The following PRKCA variants were observed in gnomAD, a reference collection of about 807,000 sequenced individuals.
The protein encoded by PRKCA is protein kinase C alpha.
In PRKCA, 27 loss-of-function variants were observed where a neutral mutation model predicts 87.0. That is an observed-to-expected ratio of 0.31 (90% confidence interval 0.23 to 0.43). The LOEUF (loss-of-function observed/expected upper bound fraction) is 0.43, where lower values mean the gene tolerates loss of function less well. Among genes scored for constraint, PRKCA ranks in the 20% least tolerant of loss-of-function variants. The pLI is 1.00. For missense variants in PRKCA, 518 were observed against 852.3 expected, an observed-to-expected ratio of 0.61 and a Z score of 4.88; for synonymous variants, 329 against 311.1, an observed-to-expected ratio of 1.06 and a Z score of -0.61.
At chr17:66,785,201 G>A (rs1975349519) in intron 14 of PRKCA, among the ~76,000 whole-genome samples, 1 of 152,136 alleles carries the variant, frequency 6.6e-6, no homozygotes, top group Non-Finnish European at 1.5e-5. Context: ...GCAGGGGACT[G>A]AGGTCAGGTC....
chr17:66,484,607 AC>A (rs1459332419), intron 2 of PRKCA, among the ~76,000 whole-genome samples: 2 of 152,204 alleles, frequency 1.3e-5, no homozygotes, highest in African/African-American at 4.8e-5. Flanking sequence ...AAAGAGTTTG[AC>A]CACATTTGTA....
At chr17:66,323,940 C>CA (rs1244630893) in intron 2 of PRKCA, among the ~76,000 whole-genome samples, 11 of 150,554 alleles carry the variant, frequency 7.3e-5, no homozygotes, top group East Asian at 1.9e-4. Flanking sequence ...GATTCTGACT[C>CA]AAAAAAAAAT....
intron 2 of PRKCA, among the ~76,000 whole-genome samples, chr17:66,411,948 T>A (rs1911831496): frequency 6.6e-6 from 1 of 151,852 alleles, no homozygotes; most frequent in South Asian, 2.1e-4. Flanking sequence ...ATGAGAAGTA[T>A]GGATAAAGTG....
chr17:66,713,670 T>G (rs758024466), intron 8 of PRKCA, among the ~76,000 whole-genome samples: 25 of 152,280 alleles, frequency 1.6e-4, no homozygotes, highest in Admixed American at 2.6e-4. Context: ...ACCCAGGCAG[T>G]GATAATAGCG....
At chr17:66,768,080 A>AT (rs1974849040) in intron 13 of PRKCA, among the ~76,000 whole-genome samples, 2 of 152,030 alleles carry the variant, frequency 1.3e-5, no homozygotes, top group African/African-American at 4.8e-5. Context: ...AGTAGCTGGG[A>AT]TTACAGGTGT....
chr17:66,397,184 C>G (rs1363754557), intron 2 of PRKCA, among the ~76,000 whole-genome samples: 1 of 150,408 alleles, frequency 6.6e-6, no homozygotes, highest in Non-Finnish European at 1.5e-5. Context: ...AGGCTGGTCT[C>G]GAACTCCTGA....
At chr17:66,606,703 G>A (rs1420169447) in intron 3 of PRKCA, among the ~76,000 whole-genome samples, 2 of 152,056 alleles carry the variant, frequency 1.3e-5, no homozygotes, top group Non-Finnish European at 1.5e-5. Context: ...TATGTTTCAG[G>A]TTATATCGTA....
intron 3 of PRKCA, among the ~76,000 whole-genome samples, chr17:66,578,982 C>T (rs770084447): frequency 1.3e-5 from 2 of 152,226 alleles, no homozygotes; most frequent in African/African-American, 2.4e-5. Context: ...CACCTCTGCA[C>T]TTGCAAGAGG....
At chr17:66,313,574 G>A (rs959488731) in intron 2 of PRKCA, among the ~76,000 whole-genome samples, 22 of 152,146 alleles carry the variant, frequency 1.4e-4, no homozygotes, top group African/African-American at 5.1e-4. Context: ...GCAGGAGGGG[G>A]AAAATGTCTT....
At chr17:66,561,365 A>C (rs1029493405) in intron 3 of PRKCA, among the ~76,000 whole-genome samples, 1 of 152,194 alleles carries the variant, frequency 6.6e-6, no homozygotes, top group Non-Finnish European at 1.5e-5. Flanking sequence ...CTACTCTGCC[A>C]AGAGAACAGG....
chr17:66,467,530 G>A (rs1347492955), intron 2 of PRKCA, among the ~76,000 whole-genome samples: 2 of 152,070 alleles, frequency 1.3e-5, no homozygotes, highest in Non-Finnish European at 2.9e-5. Flanking sequence ...CTGCTCTAGT[G>A]CTTTTAAAAA....
intron 3 of PRKCA, among the ~76,000 whole-genome samples, chr17:66,572,636 A>AC (rs1414139147): frequency 6.6e-6 from 1 of 152,088 alleles, no homozygotes; most frequent in African/African-American, 2.4e-5. Flanking sequence ...ACTAACTGGG[A>AC]CCATAGGTGC....
intron 2 of PRKCA, among the ~76,000 whole-genome samples, chr17:66,424,427 G>A (rs1213093278): frequency 6.6e-6 from 1 of 151,964 alleles, no homozygotes; most frequent in Non-Finnish European, 1.5e-5. Context: ...AATCAGCCAG[G>A]CATGATGGCG....
chr17:66,750,257 T>G (rs1406478612), intron 13 of PRKCA, among the ~76,000 whole-genome samples: 3 of 152,014 alleles, frequency 2.0e-5, no homozygotes, highest in African/African-American at 4.8e-5. Context: ...GAAAAGCACT[T>G]GATGAAAGAA....
At chr17:66,712,014 C>T (rs1452093488) in intron 8 of PRKCA, among the ~76,000 whole-genome samples, 1 of 152,164 alleles carries the variant, frequency 6.6e-6, no homozygotes, top group Admixed American at 6.5e-5. Context: ...ACTGCCCCCC[C>T]TCCACCCCGC....
chr17:66,523,657 T>C (rs913704764), intron 3 of PRKCA, among the ~76,000 whole-genome samples: 1 of 152,172 alleles, frequency 6.6e-6, no homozygotes, highest in East Asian at 1.9e-4. Context: ...TCCCTGAATA[T>C]GGCTGAGAAA....
intron 4 of PRKCA, among the ~76,000 whole-genome samples, chr17:66,643,736 C>T (rs900821989): frequency 6.6e-6 from 1 of 152,204 alleles, no homozygotes; most frequent in African/African-American, 2.4e-5. Context: ...ACCAGGACTG[C>T]AACCCCTACT....
In PRKCA at chr17:66,421,258, T is replaced by C. The variant is rs1912473501; in HGVS notation, c.206-74943T>C. ...ATTTAGAGAGAGAGTAAAAAGATTT[T>C]GGTGTTTGTCATGGGAGTTCACAGG... On this transcript the variant is annotated intron_variant, in intron 2 of 16. Transcript: ENST00000413366. 2.0e-5 allele frequency among the ~76,000 whole-genome samples: 3 copies of C among 152,134 alleles called. 1 individual carries two copies. The South Asian group carries it at 6.2e-4, about 31-fold the overall frequency.
At chr17:66,313,540 A>G (rs1169194552) in intron 2 of PRKCA, among the ~76,000 whole-genome samples, 3 of 152,242 alleles carry the variant, frequency 2.0e-5, no homozygotes, top group African/African-American at 7.2e-5. Context: ...GCACAAATAA[A>G]ACAAGAGTGT....
Sources: gnomAD v4.1 joint callset for allele counts (sites outside exome capture counted in the v4.1 genomes callset) on GRCh38, gnomAD v4.1.1 for gene constraint, MANE v1.5 for transcripts, NCBI Gene and HGNC (gene_info 2026-07-23, HGNC 2026-07-21) for gene names.